The following RBFOX1 variants were observed in gnomAD, a reference collection of about 807,000 sequenced individuals.
RBFOX1 encodes RNA binding protein fox-1 homolog 1.
In RBFOX1, 8 loss-of-function variants were observed where a neutral mutation model predicts 57.7. The ratio of observed to expected loss-of-function variants is 0.14; its 90% confidence interval spans 0.08 to 0.25. The LOEUF (loss-of-function observed/expected upper bound fraction) is 0.25, where lower values mean the gene tolerates loss of function less well. Among genes scored for constraint, RBFOX1 ranks in the 10% least tolerant of loss-of-function variants. The pLI is 1.00. For missense variants in RBFOX1, 611 were observed against 548.5 expected (o/e 1.11, Z -1.14); for synonymous variants, 326 against 222.4 (o/e 1.47, Z -4.15).
At chr16:7,057,029 GA>G (rs36083057) in intron 4 of RBFOX1, among the ~76,000 whole-genome samples, 5,790 of 136,398 alleles carry the variant, frequency 0.042, 161 homozygotes, top group East Asian at 0.095. Flanking sequence ...TTAAAGCACT[GA>G]AAAAAAAAAA....
At chr16:6,072,707 C>G (rs900207583) in intron 1 of RBFOX1, among the ~76,000 whole-genome samples, 1 of 151,600 alleles carries the variant, frequency 6.6e-6, no homozygotes, top group African/African-American at 2.4e-5. Context: ...TTGCATTTCC[C>G]TATGTTTAGT....
intron 4 of RBFOX1, among the ~76,000 whole-genome samples, chr16:7,203,299 C>T (rs185138371): frequency 1.0e-3 from 154 of 152,242 alleles, no homozygotes; most frequent in African/African-American, 3.6e-3. Flanking sequence ...CAAAAACACA[C>T]GCACTGTATA....
At chr16:6,268,623 A>C (rs2074830101) in intron 1 of RBFOX1, among the ~76,000 whole-genome samples, 1 of 152,196 alleles carries the variant, frequency 6.6e-6, no homozygotes, top group Admixed American at 6.5e-5. Context: ...AATCATTCAA[A>C]ATATGCATCG....
chr16:6,419,626 C>A (rs951618725), intron 2 of RBFOX1, among the ~76,000 whole-genome samples: 5 of 152,148 alleles, frequency 3.3e-5, no homozygotes, highest in Non-Finnish European at 5.9e-5. Context: ...AGAGATGCTT[C>A]CCTGCGTGGT....
Position 7,710,991 on chromosome 16 carries a change from G to A in RBFOX1, c.*246G>A, listed in dbSNP as rs1005141511. ...GGTTGCTGGCTGTAGGAGTTTTTGT[G>A]GTTGATCTAGACAGATGCTAGATAA... On this transcript the variant is annotated 3_prime_UTR_variant, in exon 16 of 16. Coordinates refer to ENST00000550418, the MANE Select transcript of RBFOX1 (RefSeq NM_018723.4). The A allele has an allele frequency of 2.2e-5, 9 of 417,474 alleles. No individual in the cohort carries two copies. The highest frequency in any genetic ancestry group is 1.9e-4 in the African/African-American group (9 of 48,368). 25.9% of individuals were successfully genotyped at this position (417,474 alleles called of 1,614,324 possible).
chr16:6,181,671 G>T (rs34166656), intron 1 of RBFOX1, among the ~76,000 whole-genome samples: 2 of 152,154 alleles, frequency 1.3e-5, no homozygotes, highest in South Asian at 2.1e-4. Flanking sequence ...GAAGTCTTAC[G>T]TGAAGCCATT....
At chr16:7,139,384 C>T (rs1023914133) in intron 4 of RBFOX1, among the ~76,000 whole-genome samples, 1 of 152,122 alleles carries the variant, frequency 6.6e-6, no homozygotes, top group Admixed American at 6.5e-5. Flanking sequence ...TGGCTTCATC[C>T]CTCCACTAAC....
chr16:6,484,734 C>T (rs1185329785), intron 2 of RBFOX1, among the ~76,000 whole-genome samples: 1 of 152,094 alleles, frequency 6.6e-6, no homozygotes, highest in Non-Finnish European at 1.5e-5. Context: ...GGGCTCCAAG[C>T]AGAATTGTGA....
In RBFOX1 at chr16:5,251,236, C is replaced by T. The variant is rs995460597; in HGVS notation, c.219+11131C>T. ...TTCCTGGCAATGTTACTGCAGATCT[C>T]GAGGCCTGCCTTTGCCTTCTTCAGT... On this transcript the variant is annotated intron_variant, in intron 1 of 2. Transcript: ENST00000585867. Among the ~76,000 whole-genome samples the T allele has an allele frequency of 3.9e-5, 6 of 152,214 alleles. No individual in the cohort carries two copies. The East Asian group carries it at 7.7e-4, about 19-fold the overall frequency.
At position 6,693,513 on chromosome 16, in the gene RBFOX1, T is replaced by C. The variant is rs555955225; in HGVS notation, c.-16+38863T>C. 1.2e-4 allele frequency among the ~76,000 whole-genome samples: 18 copies of C among 151,340 alleles called. No individual in the cohort carries two copies. In the South Asian group the frequency reaches 2.1e-3, roughly 18 times the overall value. ...ATCACCACCATCATCATCATCCTCATCCACTAACATCACCACCATCATTAG... is the reference window on the plus strand; with the variant it reads ...ATCACCACCATCATCATCATCCTCACCCACTAACATCACCACCATCATTAG... On this transcript the variant is annotated intron_variant, in intron 3 of 15. Coordinates refer to ENST00000550418, the MANE Select transcript of RBFOX1 (RefSeq NM_018723.4).
At chr16:6,160,541 C>T (rs1005088540) in intron 1 of RBFOX1, among the ~76,000 whole-genome samples, 1 of 152,158 alleles carries the variant, frequency 6.6e-6, no homozygotes, top group African/African-American at 2.4e-5. Context: ...CCACCAGAGC[C>T]TCATACACAG....
chr16:6,072,616 TG>T (rs755641106), intron 1 of RBFOX1, among the ~76,000 whole-genome samples: 118 of 149,104 alleles, frequency 7.9e-4, no homozygotes, highest in African/African-American at 2.8e-3. Context: ...GGCCAACAAT[TG>T]TTTTTTTTTT....
At chr16:5,861,560 G>A (rs2057214163) in intron 3 of RBFOX1, among the ~76,000 whole-genome samples, 1 of 152,222 alleles carries the variant, frequency 6.6e-6, no homozygotes, top group Admixed American at 6.5e-5. Flanking sequence ...AATGTCCATT[G>A]TGTTGGGCTG....
At chr16:6,134,841 G>A (rs909996866) in intron 1 of RBFOX1, among the ~76,000 whole-genome samples, 3 of 110,042 alleles carry the variant, frequency 2.7e-5, no homozygotes, top group Non-Finnish European at 6.0e-5. Flanking sequence ...CCCCAGGCAG[G>A]CCATTTTTTT....
chr16:6,616,566 C>G (rs1370505647), intron 2 of RBFOX1, among the ~76,000 whole-genome samples: 1 of 152,108 alleles, frequency 6.6e-6, no homozygotes, highest in South Asian at 2.1e-4. Context: ...GTCCCAGGTA[C>G]TCAGGAGGCT....
chr16:7,590,612 C>A (rs2094391852), intron 7 of RBFOX1, among the ~76,000 whole-genome samples: 1 of 152,124 alleles, frequency 6.6e-6, no homozygotes, highest in East Asian at 1.9e-4. Context: ...GTAATCCCAG[C>A]ACTTTGGGAG....
At chr16:6,804,675 T>G (rs2086299542) in intron 3 of RBFOX1, among the ~76,000 whole-genome samples, 1 of 152,162 alleles carries the variant, frequency 6.6e-6, no homozygotes, top group Non-Finnish European at 1.5e-5. Flanking sequence ...GCCAACTTTC[T>G]AAAGAATAAG....
chr16:5,723,993 A>G (rs1478614193), intron 3 of RBFOX1, among the ~76,000 whole-genome samples: 3 of 148,466 alleles, frequency 2.0e-5, no homozygotes, highest in African/African-American at 5.1e-5. Context: ...CTCGAAGAAG[A>G]GTGTCGGTGT....
chr16:6,611,247 A>G (rs2098046533), intron 2 of RBFOX1, among the ~76,000 whole-genome samples: 1 of 152,164 alleles, frequency 6.6e-6, no homozygotes, highest in African/African-American at 2.4e-5. Context: ...CCCAGGTTCA[A>G]GCAATTCTCC....
Sources: gnomAD v4.1 joint callset for allele counts (sites outside exome capture counted in the v4.1 genomes callset) on GRCh38, gnomAD v4.1.1 for gene constraint, MANE v1.5 for transcripts, NCBI Gene and HGNC (gene_info 2026-07-23, HGNC 2026-07-21) for gene names.